TENM2: variants seen among roughly 807,000 people sequenced by gnomAD.
TENM2 encodes the protein teneurin transmembrane protein 2.
A neutral mutation model predicts 245.2 loss-of-function variants in TENM2; 52 were observed. The observed-to-expected ratio is 0.21, with a 90% CI of 0.17 to 0.27. TENM2 has a LOEUF of 0.27. Among genes scored for constraint, TENM2 ranks in the 10% least tolerant of loss-of-function variants. The probability of loss-of-function intolerance (pLI) is 1.00; values close to 1 mark genes in which losing one functional copy is unlikely to be tolerated. For missense variants in TENM2, 3,046 were observed against 3,666.8 expected (o/e 0.83, Z 4.37); for synonymous variants, 1,363 against 1,438.9 (o/e 0.95, Z 1.19).
chr5:167,569,983 A>G (rs1234373547), intron 2 of TENM2, among the ~76,000 whole-genome samples: 1 of 152,188 alleles, frequency 6.6e-6, no homozygotes, highest in East Asian at 1.9e-4. Context: ...GTAAACCAAG[A>G]AAGTCAAGGA....
intron 2 of TENM2, among the ~76,000 whole-genome samples, chr5:167,477,477 CAG>C (rs1767471437): frequency 6.6e-6 from 1 of 152,056 alleles, no homozygotes; most frequent in Non-Finnish European, 1.5e-5. Flanking sequence ...GAACCATTAA[CAG>C]AGGAAATTGA....
At chr5:167,247,293 C>T in the TENM2 span, among the ~76,000 whole-genome samples, 6 of 152,128 alleles carry the variant, frequency 3.9e-5, no homozygotes, top group African/African-American at 1.4e-4. Flanking sequence ...CCTGAGTTCA[C>T]GCTCTTTGCT....
rs541166340 is a variant in TENM2, at chr5:168,151,194, G to A, written c.2423-11417G>A. On this transcript the variant is annotated intron_variant, in intron 12 of 28. Coordinates refer to ENST00000518659, the Ensembl canonical transcript of TENM2. The stretch of plus-strand genomic sequence containing the variant: ...CCTCACACAACTCTTGCGTTTTAAG[G>A]GGAGTTCTATTGACAACTTGTCGCA... Among the ~76,000 whole-genome samples, 33 of 152,282 alleles carry A rather than the reference G, an allele frequency of 2.2e-4. 1 individual carries two copies. In the South Asian group the frequency reaches 6.6e-3, roughly 31 times the overall value.
chr5:167,557,280 C>G (rs1309561886), intron 2 of TENM2, among the ~76,000 whole-genome samples: 1 of 152,110 alleles, frequency 6.6e-6, no homozygotes, highest in African/African-American at 2.4e-5. Flanking sequence ...AATATTCTTA[C>G]CATCACGATT....
chr5:167,139,451 G>A, the TENM2 span, among the ~76,000 whole-genome samples: 7 of 152,308 alleles, frequency 4.6e-5, no homozygotes, highest in Non-Finnish European at 7.4e-5. Flanking sequence ...TATTTTGGGC[G>A]TAAGACCAAA....
At chr5:167,937,604 A>T (rs1391160745) in intron 3 of TENM2, 1 of 149,542 alleles carries the variant, frequency 6.7e-6, no homozygotes. Flanking sequence ...TCTGTAAGTC[A>T]TTTTTTTTTT....
At chr5:168,019,869 C>A (rs773112076) in intron 5 of TENM2, among the ~76,000 whole-genome samples, 1 of 152,206 alleles carries the variant, frequency 6.6e-6, no homozygotes, top group Non-Finnish European at 1.5e-5. Flanking sequence ...AAAGAAAAGG[C>A]TTTAAAAGCA....
At chr5:168,020,220 T>C (rs1167161287) in intron 5 of TENM2, among the ~76,000 whole-genome samples, 3 of 152,098 alleles carry the variant, frequency 2.0e-5, no homozygotes, top group African/African-American at 7.2e-5. Flanking sequence ...AAAGACAAGG[T>C]TAGGGGCTAC....
At chr5:167,958,084 C>T (rs1180896928) in intron 4 of TENM2, among the ~76,000 whole-genome samples, 1 of 152,082 alleles carries the variant, frequency 6.6e-6, no homozygotes, top group Non-Finnish European at 1.5e-5. Context: ...GTTAAAGTCA[C>T]CCATTATTAT....
At chr5:168,147,663 T>C (rs1756220335) in intron 12 of TENM2, among the ~76,000 whole-genome samples, 1 of 152,202 alleles carries the variant, frequency 6.6e-6, no homozygotes, top group South Asian at 2.1e-4. Context: ...CATCCAAGGA[T>C]ATTTTTGGTT....
At chr5:167,729,181 C>G (rs985459542) in intron 2 of TENM2, 1 of 152,196 alleles carries the variant, frequency 6.6e-6, no homozygotes, top group African/African-American at 2.4e-5. Context: ...CTTCCTTTCT[C>G]CCTTCCTCTC....
intron 1 of TENM2, among the ~76,000 whole-genome samples, chr5:167,323,382 G>C (rs149147660): frequency 0.034 from 5,117 of 152,178 alleles, 145 homozygotes; most frequent in Non-Finnish European, 0.051. Flanking sequence ...TATAGATACA[G>C]ATATGTGTGT....
At chr5:168,017,285 A>G (rs1785739967) in intron 5 of TENM2, among the ~76,000 whole-genome samples, 1 of 152,246 alleles carries the variant, frequency 6.6e-6, no homozygotes, top group Non-Finnish European at 1.5e-5. Context: ...TCAGATTATC[A>G]TTTTAGAGCA....
intron 2 of TENM2, among the ~76,000 whole-genome samples, chr5:167,769,358 A>G (rs964669445): frequency 7.9e-5 from 12 of 152,200 alleles, no homozygotes; most frequent in South Asian, 2.1e-4. Flanking sequence ...TATTGAATGT[A>G]TGTAGTTACA....
intron 2 of TENM2, among the ~76,000 whole-genome samples, chr5:167,667,397 CA>C (rs1273987761): frequency 6.6e-6 from 1 of 152,106 alleles, no homozygotes; most frequent in Admixed American, 6.5e-5. Context: ...TCTCTTTTTT[CA>C]TCAGGGACTA....
At chr5:167,583,413 A>G (rs1006587412) in intron 2 of TENM2, among the ~76,000 whole-genome samples, 3 of 151,714 alleles carry the variant, frequency 2.0e-5, no homozygotes, top group African/African-American at 7.3e-5. Context: ...ATAGTCAGAA[A>G]TAAAACAATA....
chr5:168,194,512 T>C lies in TENM2; in HGVS notation c.2781-664T>C, dbSNP rs114706028. ...AGGAATTCGACATAAGAGAAATATGTAGTAACACAGAATCCAGAATCCAAT... is the reference window on the plus strand; with the variant it reads ...AGGAATTCGACATAAGAGAAATATGCAGTAACACAGAATCCAGAATCCAAT... On this transcript the variant is annotated intron_variant, in intron 14 of 28. Transcript: ENST00000518659. Among the ~76,000 whole-genome samples, 723 of 152,176 alleles carry C rather than the reference T, an allele frequency of 4.8e-3. 3 individuals carry two copies. Among genetic ancestry groups the C allele is most frequent in the Middle Eastern group, 0.044 (13 of 294 alleles).
At chr5:168,104,463 T>C (rs751866018) in intron 9 of TENM2, among the ~76,000 whole-genome samples, 4 of 152,196 alleles carry the variant, frequency 2.6e-5, no homozygotes, top group Non-Finnish European at 4.4e-5. Flanking sequence ...TTTCTGTGAC[T>C]GCAGGCAGCC....
At chr5:167,971,655 C>T (rs560133985) in intron 4 of TENM2, among the ~76,000 whole-genome samples, 224 of 152,106 alleles carry the variant, frequency 1.5e-3, no homozygotes, top group African/African-American at 4.8e-3. Flanking sequence ...GAGCCAAGAT[C>T]GCGCCACTGC....
Sources: gnomAD v4.1 joint callset for allele counts (sites outside exome capture counted in the v4.1 genomes callset) on GRCh38, gnomAD v4.1.1 for gene constraint, MANE v1.5 for transcripts, NCBI Gene and HGNC (gene_info 2026-07-23, HGNC 2026-07-21) for gene names.